UHRF2: variants seen among roughly 807,000 people sequenced by gnomAD.
The protein encoded by UHRF2 is ubiquitin like with PHD and ring finger domains 2.
A neutral mutation model predicts 96.8 loss-of-function variants in UHRF2; 23 were observed. That is an observed-to-expected ratio of 0.24 (90% CI 0.17 to 0.34). The LOEUF (loss-of-function observed/expected upper bound fraction) is 0.34. Among genes scored for constraint, UHRF2 ranks in the 10% least tolerant of loss-of-function variants. The pLI is 1.00. For synonymous variants in UHRF2, 385 were observed against 332.6 expected (o/e 1.16, Z -1.72); for missense variants, 685 against 981.5 (o/e 0.70, Z 4.04).
intron 2 of UHRF2, among the ~76,000 whole-genome samples, chr9:6,425,468 A>G (rs1305908339): frequency 2.0e-5 from 3 of 152,102 alleles, no homozygotes; most frequent in African/African-American, 4.8e-5. Context: ...TTGTCAAAGG[A>G]TAGAGGCCGG....
chr9:6,429,850 G>T (rs117824474), intron 2 of UHRF2, among the ~76,000 whole-genome samples: 2 of 152,178 alleles, frequency 1.3e-5, no homozygotes, highest in African/African-American at 4.8e-5. Context: ...AGGTTTACCT[G>T]CAGAGCTGGA....
In UHRF2 at chr9:6,483,965, A is replaced by C. The variant is rs559301896; in HGVS notation, c.1392+1866A>C. ...CAGCCTCCCAAAGTGCTGGGATTAC[A>C]GGCGTGAGCCACTGCACCCGGCTTC... On this transcript the variant is annotated intron_variant, in intron 8 of 15. Transcript: ENST00000276893. 3.9e-5 allele frequency among the ~76,000 whole-genome samples: 6 copies of C among 152,292 alleles called. No homozygotes were observed. In the South Asian group the frequency reaches 1.2e-3, roughly 32 times the overall value.
chr9:6,414,437 A>T (rs1399280026), intron 1 of UHRF2, among the ~76,000 whole-genome samples: 1 of 152,230 alleles, frequency 6.6e-6, no homozygotes, highest in Non-Finnish European at 1.5e-5. Flanking sequence ...ATAGCACTGC[A>T]GCATAGCCAG....
intron 3 of UHRF2, among the ~76,000 whole-genome samples, chr9:6,444,948 C>T (rs914483731): frequency 1.6e-4 from 24 of 150,948 alleles, no homozygotes; most frequent in African/African-American, 3.9e-4. Context: ...ATTAAGTATA[C>T]GGAGCAGTGG....
chr9:6,445,129 T>TA (rs1364433342), intron 3 of UHRF2, among the ~76,000 whole-genome samples: 3 of 48,678 alleles, frequency 6.2e-5, no homozygotes, highest in Non-Finnish European at 1.7e-4. Context: ...TATCTCTTAT[T>TA]TAAAAAAAAA....
chr9:6,446,952 A>C (rs1186904944), intron 3 of UHRF2, among the ~76,000 whole-genome samples: 2 of 152,058 alleles, frequency 1.3e-5, no homozygotes, highest in Non-Finnish European at 2.9e-5. Flanking sequence ...GCAGTAGCAC[A>C]ATCTCGGCTC....
intron 8 of UHRF2, 106 bp downstream of exon 8, chr9:6,482,205 G>A: frequency 1.1e-6 from 1 of 916,168 alleles, no homozygotes; most frequent in Non-Finnish European, 1.7e-6. Flanking sequence ...ACATTCACTT[G>A]TTAGAATGAA....
intron 3 of UHRF2, chr9:6,449,554 G>A (rs1363716466): frequency 6.6e-6 from 1 of 152,196 alleles, no homozygotes; most frequent in South Asian, 2.1e-4. Flanking sequence ...ATTCTTTTTA[G>A]AGTTTGCAGA....
chr9:6,482,540 A>G (rs1041384741), intron 8 of UHRF2, among the ~76,000 whole-genome samples: 1 of 151,970 alleles, frequency 6.6e-6, no homozygotes. Context: ...CAAGAATAAA[A>G]TAATTTCCCA....
intron 4 of UHRF2, among the ~76,000 whole-genome samples, chr9:6,469,956 C>T (rs991638038): frequency 6.6e-6 from 1 of 151,972 alleles, no homozygotes; most frequent in Non-Finnish European, 1.5e-5. Flanking sequence ...AGAAAATGCA[C>T]AGTGGTATAT....
intron 2 of UHRF2, among the ~76,000 whole-genome samples, chr9:6,423,771 C>T (rs1820073052): frequency 6.6e-6 from 1 of 151,670 alleles, no homozygotes; most frequent in African/African-American, 2.4e-5. Flanking sequence ...TGGTGAAACC[C>T]CGTCTCCACT....
At chr9:6,462,854 T>A (rs564080849) in intron 4 of UHRF2, among the ~76,000 whole-genome samples, 17 of 152,136 alleles carry the variant, frequency 1.1e-4, no homozygotes, top group African/African-American at 4.1e-4. Context: ...GAGGCAGAGG[T>A]TGCAGTAAGC....
intron 1 of UHRF2, 100 bp downstream of exon 1, chr9:6,413,743 G>A (rs1819425086): frequency 1.6e-6 from 2 of 1,280,842 alleles, no homozygotes; most frequent in South Asian, 2.1e-5. Flanking sequence ...GCGCGCGCAG[G>A]GCTCACCTGG....
intron 9 of UHRF2, among the ~76,000 whole-genome samples, chr9:6,491,234 T>C (rs1824639830): frequency 1.3e-5 from 2 of 152,188 alleles, no homozygotes; most frequent in Non-Finnish European, 2.9e-5. Flanking sequence ...GTCTGTTTGG[T>C]TTTGTGTCCT....
intron 3 of UHRF2, among the ~76,000 whole-genome samples, chr9:6,455,384 C>T (rs917105195): frequency 2.0e-5 from 3 of 152,052 alleles, no homozygotes; most frequent in Non-Finnish European, 4.4e-5. Context: ...TGAGAGCATG[C>T]GGTGTTTGGT....
chr9:6,413,812 A>G (rs1304959089), intron 1 of UHRF2, 169 bp downstream of exon 1: 13 of 841,342 alleles, frequency 1.5e-5, no homozygotes, highest in Non-Finnish European at 2.1e-5. Context: ...GTCCCGCCGA[A>G]TGGTGGGGAG....
chr9:6,419,489 A>G (rs1819801319), intron 1 of UHRF2, among the ~76,000 whole-genome samples: 1 of 152,192 alleles, frequency 6.6e-6, no homozygotes, highest in Admixed American at 6.5e-5. Context: ...CTTAAAAAAT[A>G]AAAACCTACT....
Position 6,486,910 on chromosome 9 carries a change from A to T in UHRF2, c.1482A>T (p.Gly494=). The change falls in exon 9 of 16, where the codon GGA becomes GGT. Residue 494 remains glycine (G), a synonymous_variant. Transcript: ENST00000276893. The part of the protein sequence containing the change: ...DGAYSLVLAG[G]FADEVDRGDE... The stretch of plus-strand genomic sequence containing the variant: ...CTTATTCTCTTGTACTGGCTGGTGG[A>T]TTTGCGGATGAAGTCGTAAGTCATT... 1 of 1,613,838 alleles carries T rather than the reference A, an allele frequency of 6.2e-7. No individual in the cohort carries two copies. Among genetic ancestry groups the T allele is most frequent in the South Asian group, 1.1e-5 (1 of 91,064 alleles).
intron 4 of UHRF2, chr9:6,468,693 G>A: frequency 2.2e-6 from 1 of 456,018 alleles, no homozygotes; most frequent in Non-Finnish European, 4.4e-6. Flanking sequence ...CTGGACAAGA[G>A]GCTGGAAATG....
Sources: allele counts gnomAD v4.1 joint callset (sites outside exome capture counted in the v4.1 genomes callset), GRCh38; gene constraint gnomAD v4.1.1; transcripts MANE v1.5; gene names NCBI Gene and HGNC (gene_info 2026-07-23, HGNC 2026-07-21).